PTK2: variants seen among roughly 807,000 people sequenced by gnomAD.
PTK2 encodes focal adhesion kinase 1.
A neutral mutation model predicts 150.1 loss-of-function variants in PTK2; 45 were observed. The ratio of observed to expected loss-of-function variants is 0.30; its 90% CI spans 0.24 to 0.38. The LOEUF (loss-of-function observed/expected upper bound fraction) is 0.38, where lower values mean the gene tolerates loss of function less well. Among genes scored for constraint, PTK2 ranks in the 10% least tolerant of loss-of-function variants. The pLI is 1.00. For missense variants in PTK2, 919 were observed against 1,307.3 expected, an observed-to-expected ratio of 0.70 and a Z score of 4.58; for synonymous variants, 432 against 449.2, an observed-to-expected ratio of 0.96 and a Z score of 0.48.
At chr8:140,883,953 T>C (rs1298395243) in intron 3 of PTK2, among the ~76,000 whole-genome samples, 1 of 152,140 alleles carries the variant, frequency 6.6e-6, no homozygotes, top group Non-Finnish European at 1.5e-5. Flanking sequence ...TAGCTTGTCT[T>C]TTCCAGCTTC....
At chr8:140,659,259 A>G in exon 32 of PTK2, 2 of 545,642 alleles carry the variant, frequency 3.7e-6, no homozygotes. Context: ...TCTGAATATC[A>G]TGATTGAAAA....
intron 1 of PTK2, among the ~76,000 whole-genome samples, chr8:140,953,273 A>G (rs767369680): frequency 3.3e-5 from 5 of 152,204 alleles, no homozygotes; most frequent in African/African-American, 1.2e-4. Context: ...CATACCTACA[A>G]TAAGGTTTAA....
At chr8:140,671,921 G>C (rs927816608) in intron 29 of PTK2, among the ~76,000 whole-genome samples, 3 of 123,246 alleles carry the variant, frequency 2.4e-5, no homozygotes, top group Admixed American at 1.9e-4. Flanking sequence ...AACAGAGTGA[G>C]ACTCTGTCTC....
chr8:140,893,537 G>A (rs2100154923), intron 2 of PTK2, among the ~76,000 whole-genome samples: 1 of 152,184 alleles, frequency 6.6e-6, no homozygotes, highest in Non-Finnish European at 1.5e-5. Context: ...GAAACCAGAC[G>A]TGAAAGACCA....
intron 3 of PTK2, among the ~76,000 whole-genome samples, chr8:140,889,176 G>A (rs1187622451): frequency 1.3e-5 from 2 of 152,008 alleles, no homozygotes; most frequent in African/African-American, 2.4e-5. Context: ...TTAAAATTTA[G>A]AGGTAACAAA....
chr8:140,871,689 C>T (rs1453984782), intron 4 of PTK2, among the ~76,000 whole-genome samples: 2 of 152,118 alleles, frequency 1.3e-5, no homozygotes, highest in African/African-American at 4.8e-5. Context: ...GATCCCAGTA[C>T]ACAATGAGAC....
At chr8:140,903,029 T>G (rs4961240) in intron 2 of PTK2, among the ~76,000 whole-genome samples, 104,194 of 149,172 alleles carry the variant, frequency 0.7, 39,187 homozygotes, top group Non-Finnish European at 0.85. Context: ...ATTGCTTCTG[T>G]TGTTTTAGTC....
chr8:140,965,864 A>T (rs2100185070), intron 1 of PTK2, among the ~76,000 whole-genome samples: 1 of 152,154 alleles, frequency 6.6e-6, no homozygotes, highest in Non-Finnish European at 1.5e-5. Context: ...GTGACAGAGC[A>T]AGACTCCATC....
intron 20 of PTK2, among the ~76,000 whole-genome samples, chr8:140,739,934 C>T (rs778142963): frequency 6.6e-6 from 1 of 151,774 alleles, no homozygotes; most frequent in Non-Finnish European, 1.5e-5. Context: ...TATGAAAGCA[C>T]CTTGAGTATT....
chr8:140,686,340 AC>A (rs2100019806), intron 27 of PTK2, among the ~76,000 whole-genome samples: 1 of 151,838 alleles, frequency 6.6e-6, no homozygotes, highest in African/African-American at 2.4e-5. Context: ...TGTATAACAA[AC>A]CCTTGCAACA....
rs182905082 is a variant in PTK2, at chr8:140,793,476, A to G, written c.1094-92T>C. The G allele has an allele frequency of 3.1e-5, 43 of 1,370,268 alleles. No individual in the cohort carries two copies. In the East Asian group the frequency reaches 6.8e-4, roughly 22 times the overall value. 84.9% of individuals were successfully genotyped at this position (1,370,268 alleles called of 1,614,324 possible). On this transcript the variant is annotated intron_variant, in intron 12 of 31. Transcript: ENST00000522684. ...ATCAGGGAGGAAGGATGAGGCCTATACTGGTATTCCAGCAATGACCCTTTA... is the reference window on the plus strand; with the variant it reads ...ATCAGGGAGGAAGGATGAGGCCTATGCTGGTATTCCAGCAATGACCCTTTA...
At chr8:140,734,369 A>C (rs548728052) in intron 22 of PTK2, among the ~76,000 whole-genome samples, 1 of 152,334 alleles carries the variant, frequency 6.6e-6, no homozygotes, top group South Asian at 2.1e-4. Context: ...GTCTCATTCT[A>C]GACTCCAATT....
chr8:140,694,356 G>A (rs2100025170), intron 26 of PTK2, among the ~76,000 whole-genome samples: 2 of 152,096 alleles, frequency 1.3e-5, no homozygotes, highest in African/African-American at 4.8e-5. Context: ...AGCATCTTTA[G>A]ACATTTTTAT....
intron 1 of PTK2, among the ~76,000 whole-genome samples, chr8:140,980,815 A>G (rs2154609929): frequency 6.8e-6 from 1 of 148,024 alleles, no homozygotes; most frequent in East Asian, 2.0e-4. Flanking sequence ...CAGTGGCGCA[A>G]TCTTGGCTCA....
At chr8:140,951,165 T>C (rs150438229) in intron 1 of PTK2, among the ~76,000 whole-genome samples, 2 of 152,292 alleles carry the variant, frequency 1.3e-5, no homozygotes, top group Non-Finnish European at 2.9e-5. Flanking sequence ...TATCTCCATA[T>C]ATATCCCAGC....
intron 2 of PTK2, among the ~76,000 whole-genome samples, chr8:140,904,912 G>A (rs1473973117): frequency 6.6e-6 from 1 of 151,932 alleles, no homozygotes; most frequent in Non-Finnish European, 1.5e-5. Context: ...CGTCTGGCTA[G>A]CGGTCTATTT....
At chr8:140,964,738 T>C (rs2100184640) in intron 1 of PTK2, among the ~76,000 whole-genome samples, 1 of 152,062 alleles carries the variant, frequency 6.6e-6, no homozygotes, top group South Asian at 2.1e-4. Context: ...GAACCAAGTA[T>C]AATGCTAGCA....
At chr8:140,944,198 C>T (rs548156150) in intron 1 of PTK2, among the ~76,000 whole-genome samples, 12 of 152,228 alleles carry the variant, frequency 7.9e-5, no homozygotes, top group East Asian at 1.9e-4. Flanking sequence ...CCTGTTTTGA[C>T]GAGTATTTTA....
intron 21 of PTK2, among the ~76,000 whole-genome samples, chr8:140,737,572 C>T (rs1395837730): frequency 6.6e-6 from 1 of 152,140 alleles, no homozygotes; most frequent in African/African-American, 2.4e-5. Flanking sequence ...TCTTTCTTCC[C>T]TCTTAGAATT....
Sources: allele counts gnomAD v4.1 joint callset (sites outside exome capture counted in the v4.1 genomes callset), GRCh38; gene constraint gnomAD v4.1.1; transcripts MANE v1.5; gene names NCBI Gene and HGNC (gene_info 2026-07-23, HGNC 2026-07-21).